The following MAF variants were observed in gnomAD, a reference collection of about 807,000 sequenced individuals.
MAF encodes MAF bZIP transcription factor, also known as transcription factor Maf.
A neutral mutation model predicts 22.0 loss-of-function variants in MAF; 10 were observed. That is an observed-to-expected ratio of 0.45 (90% CI 0.28 to 0.77). The LOEUF (loss-of-function observed/expected upper bound fraction) is 0.77, where lower values mean the gene tolerates loss of function less well. Among genes scored for constraint, MAF ranks in the 30% least tolerant of loss-of-function variants. The pLI is 0.12. For synonymous variants in MAF, 337 were observed against 255.8 expected, an observed-to-expected ratio of 1.32 and a Z score of -3.03; for missense variants, 544 against 548.4, an observed-to-expected ratio of 0.99 and a Z score of 0.08.
chr16:79,395,824 C>A, the MAF span, among the ~76,000 whole-genome samples: 4 of 152,236 alleles, frequency 2.6e-5, no homozygotes, highest in African/African-American at 4.8e-5. Flanking sequence ...GGAACTCAAA[C>A]AGTAGGGAGA....
At chr16:79,249,142 G>T in the MAF span, among the ~76,000 whole-genome samples, 6 of 152,088 alleles carry the variant, frequency 3.9e-5, no homozygotes, top group Non-Finnish European at 8.8e-5. Context: ...AGTTGAGGCC[G>T]GGTGCGGTGG....
the MAF span, among the ~76,000 whole-genome samples, chr16:79,270,978 G>A: frequency 4.6e-5 from 7 of 150,996 alleles, no homozygotes; most frequent in Admixed American, 1.3e-4. Context: ...TTGGCTCACT[G>A]CAATCTCCGC....
At chr16:79,346,668 G>C in the MAF span, among the ~76,000 whole-genome samples, 2 of 152,164 alleles carry the variant, frequency 1.3e-5, no homozygotes, top group East Asian at 3.9e-4. Flanking sequence ...CACGATACCA[G>C]GGAATCCATA....
At chr16:79,373,826 G>A in the MAF span, among the ~76,000 whole-genome samples, 1 of 152,160 alleles carries the variant, frequency 6.6e-6, no homozygotes, top group African/African-American at 2.4e-5. Context: ...GGACTTCTCA[G>A]CCTTCATAAC....
At chr16:79,268,250 G>A in the MAF span, among the ~76,000 whole-genome samples, 1,851 of 152,192 alleles carry the variant, frequency 0.012, 19 homozygotes, top group Non-Finnish European at 0.02. Context: ...GTGCGTAACT[G>A]TACCCATACC....
At chr16:79,258,035 A>C in the MAF span, among the ~76,000 whole-genome samples, 1 of 152,226 alleles carries the variant, frequency 6.6e-6, no homozygotes, top group Non-Finnish European at 1.5e-5. Flanking sequence ...TCTGTTAAGT[A>C]CAAATGGCCA....
intron 1 of MAF, chr16:79,586,035 A>G (rs1259420600): frequency 1.7e-6 from 1 of 584,108 alleles, no homozygotes; most frequent in East Asian, 3.0e-5. Flanking sequence ...CTAACTATCT[A>G]TCAAAAGGGC....
At chr16:79,453,559 A>G in the MAF span, among the ~76,000 whole-genome samples, 3 of 152,236 alleles carry the variant, frequency 2.0e-5, no homozygotes, top group African/African-American at 7.2e-5. Context: ...GTAATAAAAA[A>G]CAGAATAGCT....
chr16:79,397,482 T>A, the MAF span, among the ~76,000 whole-genome samples: 4 of 152,246 alleles, frequency 2.6e-5, 1 homozygote. Flanking sequence ...ATGTTCTTTT[T>A]TAGAAATCAG....
At chr16:79,333,697 C>T in the MAF span, among the ~76,000 whole-genome samples, 1 of 152,224 alleles carries the variant, frequency 6.6e-6, no homozygotes, top group African/African-American at 2.4e-5. Context: ...TCTCCTGGAT[C>T]TAGTGATATC....
the MAF span, among the ~76,000 whole-genome samples, chr16:79,502,702 AATATAAATAT>A: frequency 0.013 from 1,098 of 86,412 alleles, 54 homozygotes; most frequent in Non-Finnish European, 0.017. Flanking sequence ...TATAAATATA[AATATAAATAT>A]ATATATATAT....
the MAF span, among the ~76,000 whole-genome samples, chr16:79,485,314 T>C: frequency 1.3e-5 from 2 of 152,240 alleles, no homozygotes; most frequent in African/African-American, 4.8e-5. Context: ...TATGTTAAGA[T>C]ACTCAAAGTC....
In MAF at chr16:79,599,309, G is replaced by A. The variant is rs866444177; in HGVS notation, c.594C>T (p.Gly198=). 2.4e-4 allele frequency: 233 copies of A among 982,152 alleles called. 5 individuals are homozygous for A. The South Asian group carries it at 5.8e-3, about 25-fold the overall frequency. The allele number at this position is 982,152 out of a possible 1,614,324, so 60.8% of individuals were successfully genotyped here. Residue 198 remains glycine, a synonymous_variant, in exon 1 of 2, where the codon GGC becomes GGT. Transcript: ENST00000326043. ...AAGHHHHPTA[G]APGAAGSAAA... Reference sequence around the variant, plus strand: ...CCGCGCTGCCCGCGGCGCCGGGCGCGCCGGCCGTCGGGTGGTGGTGGTGGC... The same window carrying A: ...CCGCGCTGCCCGCGGCGCCGGGCGCACCGGCCGTCGGGTGGTGGTGGTGGC...
chr16:79,438,254 G>A, the MAF span, among the ~76,000 whole-genome samples: 1 of 152,148 alleles, frequency 6.6e-6, no homozygotes, highest in East Asian at 1.9e-4. Context: ...TGCACTTGGC[G>A]TGAGGAATGA....
chr16:79,299,522 G>A, the MAF span, among the ~76,000 whole-genome samples: 1 of 152,300 alleles, frequency 6.6e-6, no homozygotes, highest in East Asian at 1.9e-4. Context: ...TCAAGGAAGA[G>A]AGGGAAACTC....
At chr16:79,267,497 G>A in the MAF span, among the ~76,000 whole-genome samples, 6 of 152,194 alleles carry the variant, frequency 3.9e-5, no homozygotes, top group Admixed American at 1.3e-4. Context: ...CCGCTGCTGC[G>A]GGGCTGTTGT....
At chr16:79,529,561 T>G in the MAF span, among the ~76,000 whole-genome samples, 1 of 152,148 alleles carries the variant, frequency 6.6e-6, no homozygotes, top group South Asian at 2.1e-4. Context: ...AGAGGGTGTT[T>G]TGGAAGAGTT....
chr16:79,459,058 C>T, the MAF span, among the ~76,000 whole-genome samples: 1 of 152,138 alleles, frequency 6.6e-6, no homozygotes, highest in Non-Finnish European at 1.5e-5. Flanking sequence ...GAGCTAAGTG[C>T]TTCATGTATG....
At chr16:79,389,329 T>C in the MAF span, among the ~76,000 whole-genome samples, 1 of 152,166 alleles carries the variant, frequency 6.6e-6, no homozygotes, top group African/African-American at 2.4e-5. Flanking sequence ...TGGCACAGTC[T>C]TGGTTCACTA....
Sources: gnomAD v4.1 joint callset for allele counts (sites outside exome capture counted in the v4.1 genomes callset) on GRCh38, gnomAD v4.1.1 for gene constraint, MANE v1.5 for transcripts, NCBI Gene and HGNC (gene_info 2026-07-23, HGNC 2026-07-21) for gene names.